Variants in NALCN observed in about 807,000 individuals in gnomAD.
NALCN encodes the protein sodium leak channel, non-selective.
NALCN carries 111 observed loss-of-function variants against 225.3 expected under a neutral mutation model. The observed-to-expected ratio is 0.49, with a 90% CI of 0.42 to 0.58. NALCN has a LOEUF of 0.58. Among genes scored for constraint, NALCN ranks in the 20% least tolerant of loss-of-function variants. The pLI is 0.00. For missense variants in NALCN, 1,378 were observed against 2,202.4 expected, an observed-to-expected ratio of 0.63 and a Z score of 7.49; for synonymous variants, 764 against 769.0, an observed-to-expected ratio of 0.99 and a Z score of 0.11.
chr13:101,195,249 C>A (rs1017275781), intron 13 of NALCN, among the ~76,000 whole-genome samples: 9 of 152,176 alleles, frequency 5.9e-5, no homozygotes. Context: ...CATTTTTCTG[C>A]CCTGTTGACC....
At chr13:101,355,079 C>CTT (rs143587538) in intron 6 of NALCN, among the ~76,000 whole-genome samples, 4,890 of 152,200 alleles carry the variant, frequency 0.032, 265 homozygotes, top group African/African-American at 0.11. Context: ...ATCTCTCTCT[C>CTT]GTGTTCATTC....
chr13:101,143,116 G>A lies in NALCN; in HGVS notation c.2082C>T (p.Arg694=), dbSNP rs200336601. ...TSSSSCDHSK[R]SAIEDNKYID... ...TGTATTTGTTGTCCTCAATTGCTGA[G>A]CGTTTGGAGTGGTCGCAGGAGGAGG... Residue 694 remains arginine, a synonymous_variant, in exon 17 of 44, where the codon CGC becomes CGT. Transcript: ENST00000251127. 8.1e-6 allele frequency: 13 copies of A among 1,614,158 alleles called. No individual in the cohort carries two copies. The East Asian group carries it at 2.7e-4, about 33-fold the overall frequency.
intron 7 of NALCN, among the ~76,000 whole-genome samples, chr13:101,331,267 T>A (rs187189488): frequency 1.3e-5 from 2 of 152,078 alleles, no homozygotes; most frequent in Non-Finnish European, 2.9e-5. Context: ...AAAATAAGCA[T>A]GTTTAAAATG....
rs189258784 is a variant in NALCN at position 101,299,517 on chromosome 13, A to G, written c.800-7151T>C. ...GATGAGACATTCAGTATATTCATAGAAAAACACAGAAGAAAACAGACTAAT... is the reference window on the plus strand; with the variant it reads ...GATGAGACATTCAGTATATTCATAGGAAAACACAGAAGAAAACAGACTAAT... On this transcript the variant is annotated intron_variant, in intron 7 of 43. Coordinates refer to ENST00000251127, the MANE Select transcript of NALCN (RefSeq NM_052867.4). Among the ~76,000 whole-genome samples, 545 of 152,258 alleles carry G rather than the reference A, an allele frequency of 3.6e-3. 3 individuals are homozygous for G. The highest frequency in any genetic ancestry group is 5.0e-3 in the Non-Finnish European group (341 of 68,032).
At chr13:101,184,077 C>T (rs1411599131) in intron 14 of NALCN, among the ~76,000 whole-genome samples, 3 of 152,068 alleles carry the variant, frequency 2.0e-5, no homozygotes, top group African/African-American at 4.8e-5. Flanking sequence ...AATTTTATGA[C>T]CGATATTGAT....
intron 9 of NALCN, among the ~76,000 whole-genome samples, chr13:101,284,603 T>C (rs1218196324): frequency 6.6e-6 from 1 of 152,180 alleles, no homozygotes; most frequent in African/African-American, 2.4e-5. Flanking sequence ...GATTGCCACA[T>C]TGCTTAATAC....
At chr13:101,332,609 T>C (rs1280527131) in intron 7 of NALCN, among the ~76,000 whole-genome samples, 1 of 152,166 alleles carries the variant, frequency 6.6e-6, no homozygotes, top group African/African-American at 2.4e-5. Flanking sequence ...AGCAGAAATA[T>C]TTAGCCAGCT....
chr13:101,066,614 G>T (rs1275586589), intron 39 of NALCN, among the ~76,000 whole-genome samples: 1 of 152,130 alleles, frequency 6.6e-6, no homozygotes, highest in East Asian at 1.9e-4. Context: ...AGGTTCCCGT[G>T]GGTGACAGTT....
intron 13 of NALCN, among the ~76,000 whole-genome samples, chr13:101,226,713 A>G (rs891001116): frequency 6.6e-6 from 1 of 152,074 alleles, no homozygotes; most frequent in African/African-American, 2.4e-5. Flanking sequence ...CCCACCCTAG[A>G]CATGGTGCAT....
intron 15 of NALCN, among the ~76,000 whole-genome samples, chr13:101,172,769 G>A (rs1322597926): frequency 2.6e-5 from 4 of 151,934 alleles, no homozygotes; most frequent in South Asian, 2.1e-4. Flanking sequence ...GGATTTCACC[G>A]TGTTAGCCAG....
chr13:101,145,287 T>C (rs1027673167), intron 15 of NALCN, among the ~76,000 whole-genome samples: 1 of 152,040 alleles, frequency 6.6e-6, no homozygotes, highest in East Asian at 1.9e-4. Context: ...TTAAAAACCA[T>C]GAAAAATTTA....
At chr13:101,135,403 T>G (rs2036733362) in intron 17 of NALCN, among the ~76,000 whole-genome samples, 1 of 151,872 alleles carries the variant, frequency 6.6e-6, no homozygotes, top group Non-Finnish European at 1.5e-5. Context: ...AATTCCAAAA[T>G]TTTTTTTTGT....
At chr13:101,117,052 C>A in intron 18 of NALCN, 1 of 470,514 alleles carries the variant, frequency 2.1e-6, no homozygotes, top group South Asian at 1.5e-5. Flanking sequence ...GGATACCCCA[C>A]TCCTTTGTGA....
At chr13:101,055,785 C>A (rs2031161403) in intron 43 of NALCN, among the ~76,000 whole-genome samples, 1 of 151,858 alleles carries the variant, frequency 6.6e-6, no homozygotes, top group South Asian at 2.1e-4. Context: ...AATTCGGGAA[C>A]TATTAAGTGT....
intron 7 of NALCN, among the ~76,000 whole-genome samples, chr13:101,310,088 C>T (rs573422858): frequency 6.6e-6 from 1 of 152,280 alleles, no homozygotes; most frequent in Non-Finnish European, 1.5e-5. Flanking sequence ...ACTGCTACCA[C>T]CTTTGTCCAA....
At chr13:101,304,392 T>G (rs978436225) in intron 7 of NALCN, among the ~76,000 whole-genome samples, 22 of 152,164 alleles carry the variant, frequency 1.4e-4, no homozygotes, top group African/African-American at 5.1e-4. Context: ...AAGCCCCACA[T>G]GCACTAGGTA....
chr13:101,372,555 C>A (rs2046569920), intron 6 of NALCN, among the ~76,000 whole-genome samples: 1 of 152,026 alleles, frequency 6.6e-6, no homozygotes, highest in African/African-American at 2.4e-5. Context: ...TTTAGAAAAT[C>A]TCATCCTTCT....
intron 28 of NALCN, among the ~76,000 whole-genome samples, chr13:101,093,167 C>T (rs2139565432): frequency 6.6e-6 from 1 of 152,218 alleles, no homozygotes; most frequent in Admixed American, 6.5e-5. Flanking sequence ...TATGTTTAAT[C>T]CTTTTTACTG....
intron 13 of NALCN, among the ~76,000 whole-genome samples, chr13:101,201,468 G>C (rs2040118749): frequency 6.6e-6 from 1 of 152,142 alleles, no homozygotes; most frequent in African/African-American, 2.4e-5. Context: ...CCATGTTGTA[G>C]TATGCATCGG....
Sources: gnomAD v4.1 joint callset for allele counts (sites outside exome capture counted in the v4.1 genomes callset) on GRCh38, gnomAD v4.1.1 for gene constraint, MANE v1.5 for transcripts, NCBI Gene and HGNC (gene_info 2026-07-23, HGNC 2026-07-21) for gene names.